Variants in DYNC2H1 observed in about 807,000 individuals in gnomAD.
DYNC2H1 encodes the protein cytoplasmic dynein 2 heavy chain 1.
Under a neutral mutation model 570.0 loss-of-function variants are expected in DYNC2H1, and 410 were observed. That is an observed-to-expected ratio of 0.72 (90% CI 0.66 to 0.78). DYNC2H1 has a LOEUF of 0.78. DYNC2H1 is among the 30% of genes least tolerant of loss of function. The probability of loss-of-function intolerance (pLI) is 0.00; values close to 1 mark genes in which losing one functional copy is unlikely to be tolerated. For missense variants in DYNC2H1, 4,865 were observed against 5,046.4 expected (o/e 0.96, Z 1.09); for synonymous variants, 1,688 against 1,677.6 (o/e 1.01, Z -0.15).
At chr11:103,455,154 G>C in intron 85 of DYNC2H1, 32 bp from the exon 86 acceptor site, 1 of 1,503,456 alleles carries the variant, frequency 6.7e-7, no homozygotes, top group Non-Finnish European at 9.2e-7. Context: ...AAGTGTGTGT[G>C]TATTTATATG....
chr11:103,303,756 C>T (rs1867151692), intron 76 of DYNC2H1, among the ~76,000 whole-genome samples: 1 of 152,040 alleles, frequency 6.6e-6, no homozygotes, highest in African/African-American at 2.4e-5. Context: ...GATTTTAGAC[C>T]AGTGAAACTT....
intron 17 of DYNC2H1, among the ~76,000 whole-genome samples, chr11:103,142,074 A>G (rs996040035): frequency 6.6e-6 from 1 of 152,196 alleles, no homozygotes; most frequent in African/African-American, 2.4e-5. Context: ...GTGTAGTATT[A>G]GGGTGGGATT....
intron 4 of DYNC2H1, among the ~76,000 whole-genome samples, chr11:103,115,698 A>G (rs1412260906): frequency 6.6e-6 from 1 of 152,044 alleles, no homozygotes; most frequent in Non-Finnish European, 1.5e-5. Flanking sequence ...AGGCAGGATA[A>G]TCACCTGAAC....
intron 19 of DYNC2H1, 125 bp downstream of exon 19, chr11:103,148,012 A>G (rs998149897): frequency 1.5e-6 from 1 of 672,914 alleles, no homozygotes; most frequent in South Asian, 2.2e-5. Context: ...TAAAAAAAGC[A>G]GGAAAAGTCC....
At position 103,157,973 on chromosome 11, in the gene DYNC2H1, A is replaced by C. The variant is rs1188134923; in HGVS notation, c.4128-704A>C. On this transcript the variant is annotated intron_variant, in intron 26 of 88. Coordinates refer to ENST00000375735, the MANE Select transcript of DYNC2H1 (RefSeq NM_001377.3). This position sits in a 1 kb window ranked among gnomAD's most constrained non-coding sequence, Gnocchi z 4.2. ...CTTTTTCATTTTATTCTTCATCTGC[A>C]TATCAATTTAAATTACTTCCTTAAA... Among the ~76,000 whole-genome samples the C allele has an allele frequency of 6.6e-6, 1 of 152,190 alleles. No homozygotes were observed. Among genetic ancestry groups the C allele is most frequent in the Non-Finnish European group, 1.5e-5 (1 of 68,032 alleles).
chr11:103,357,930 T>C (rs1940431715), intron 82 of DYNC2H1, among the ~76,000 whole-genome samples: 1 of 152,136 alleles, frequency 6.6e-6, no homozygotes, highest in Non-Finnish European at 1.5e-5. Context: ...AGCCTGGGTG[T>C]CTGAGCAAGA....
At chr11:103,426,312 A>C (rs1943671082) in intron 84 of DYNC2H1, among the ~76,000 whole-genome samples, 1 of 152,112 alleles carries the variant, frequency 6.6e-6, no homozygotes, top group African/African-American at 2.4e-5. Context: ...CAGCCCCCTG[A>C]TTTCCTACTC....
At chr11:103,411,704 TTTTC>T (rs1943096343) in intron 84 of DYNC2H1, among the ~76,000 whole-genome samples, 1 of 152,042 alleles carries the variant, frequency 6.6e-6, no homozygotes, top group African/African-American at 2.4e-5. Context: ...TTTTTATATT[TTTTC>T]TTTCTTTCAA....
intron 75 of DYNC2H1, among the ~76,000 whole-genome samples, chr11:103,297,341 T>A (rs1041073881): frequency 1.3e-5 from 2 of 152,066 alleles, no homozygotes; most frequent in African/African-American, 4.8e-5. Context: ...AAAAGTACAG[T>A]CATGTGTTGT....
chr11:103,375,403 G>A (rs1941352164), intron 83 of DYNC2H1, among the ~76,000 whole-genome samples: 2 of 152,150 alleles, frequency 1.3e-5, no homozygotes, highest in Non-Finnish European at 2.9e-5. Flanking sequence ...TGAAAAGAAG[G>A]CCACCATCCT....
chr11:103,363,456 G>GATT lies in DYNC2H1; in HGVS notation c.12156+5099_12156+5101dup, dbSNP rs1940755186. 6.6e-6 allele frequency among the ~76,000 whole-genome samples: 1 copy of GATT among 152,112 alleles called. No homozygotes were observed. The highest frequency in any genetic ancestry group is 1.5e-5 in the Non-Finnish European group (1 of 68,004). ...TTTCAAAATTGCTGTTAGGGGTTTAGATTAATACTCAATTTAAAATCTTAC... is the reference window on the plus strand; with the variant it reads ...TTTCAAAATTGCTGTTAGGGGTTTAGATTATTAATACTCAATTTAAAATCTTAC... On this transcript the variant is annotated intron_variant, in intron 83 of 88. Transcript: ENST00000375735. The surrounding 1 kb of genome is among the most constrained non-coding windows in gnomAD (Gnocchi z 5.6).
intron 32 of DYNC2H1, 29 bp downstream of exon 32, chr11:103,168,989 C>T: frequency 1.3e-6 from 2 of 1,515,178 alleles, no homozygotes; most frequent in Non-Finnish European, 1.8e-6. Flanking sequence ...TTTTATATTT[C>T]CAATTAGAAA....
Position 103,358,261 on chromosome 11 carries a change from A to G in DYNC2H1, c.12058A>G (p.Ile4020Val). ...TATTCAGGTTATTTCACAGTTGAGG[A>G]TTTTGGGCAGATCCATAACAGCTGG... ...ISSQVISQLR[I>V]LGRSITAGSK... The change falls in exon 83 of 89, where the codon ATT (isoleucine) becomes GTT (valine). Residue 4020 changes from isoleucine (I) to valine (V), a missense_variant. Around this residue, in one of 5 missense-constraint regions of DYNC2H1, gnomAD observed 2,401 missense variants for 2,454.6 expected, o/e 0.98. Coordinates refer to ENST00000375735, the MANE Select transcript of DYNC2H1 (RefSeq NM_001377.3). 1 of 1,581,434 alleles carries G rather than the reference A, an allele frequency of 6.3e-7. No homozygotes were observed. Among genetic ancestry groups the G allele is most frequent in the Non-Finnish European group, 8.6e-7 (1 of 1,161,846 alleles).
At chr11:103,265,229 G>A (rs940005414) in intron 70 of DYNC2H1, among the ~76,000 whole-genome samples, 1 of 152,144 alleles carries the variant, frequency 6.6e-6, no homozygotes, top group Non-Finnish European at 1.5e-5. Context: ...GGTAAAAAGT[G>A]AGTGAGAACA....
chr11:103,354,510 T>G (rs1374794736), intron 82 of DYNC2H1, among the ~76,000 whole-genome samples: 1 of 152,130 alleles, frequency 6.6e-6, no homozygotes, highest in Non-Finnish European at 1.5e-5. Flanking sequence ...CTTCAATAGA[T>G]TTATAAATTT....
intron 48 of DYNC2H1, 106 bp downstream of exon 48, chr11:103,198,169 G>C: frequency 7.9e-7 from 1 of 1,271,928 alleles, no homozygotes; most frequent in South Asian, 1.7e-5. Flanking sequence ...TTGTAGAATA[G>C]GCAAAGCTGG....
intron 88 of DYNC2H1, among the ~76,000 whole-genome samples, chr11:103,469,492 T>C (rs905072892): frequency 6.6e-6 from 1 of 152,204 alleles, no homozygotes; most frequent in Non-Finnish European, 1.5e-5. Context: ...AGCTTTCTCA[T>C]TGGGAAATAA....
At position 103,341,775 on chromosome 11, in the gene DYNC2H1, C is replaced by T. The variant is rs1591603685; in HGVS notation, c.12040-16468C>T. ...ATTTAACAAACTTAGTAAAGTACTC[C>T]TGGAACGAACTTTAGAAATAATTGA... On this transcript the variant is annotated intron_variant, in intron 82 of 88. Coordinates refer to ENST00000375735, the MANE Select transcript of DYNC2H1 (RefSeq NM_001377.3). 1.3e-5 allele frequency among the ~76,000 whole-genome samples: 2 copies of T among 152,126 alleles called. 1 individual carries two copies. Among genetic ancestry groups the T allele is most frequent in the Non-Finnish European group, 2.9e-5 (2 of 68,022 alleles).
chr11:103,188,782 TC>T (rs1862181081), intron 44 of DYNC2H1, 134 bp downstream of exon 44: 1 of 700,682 alleles, frequency 1.4e-6, no homozygotes, highest in African/African-American at 1.9e-5. Context: ...TGATATTTTT[TC>T]CTACCCTTCT....
Sources: gnomAD v4.1 joint callset for allele counts (sites outside exome capture counted in the v4.1 genomes callset) on GRCh38, gnomAD v4.1.1 for gene constraint, gnomAD v4.1.1 regional missense constraint, Gnocchi (gnomAD v3.1) non-coding constraint, MANE v1.5 for transcripts, NCBI Gene and HGNC (gene_info 2026-07-23, HGNC 2026-07-21) for gene names.